The following DNAAF4 variants were observed in gnomAD, a reference collection of about 807,000 sequenced individuals.
The protein encoded by DNAAF4 is dynein axonemal assembly factor 4.
A neutral mutation model predicts 51.8 loss-of-function variants in DNAAF4; 43 were observed. That is an observed-to-expected ratio of 0.83 (90% CI 0.65 to 1.07). DNAAF4 has a LOEUF of 1.07. Among genes scored for constraint, DNAAF4 ranks in the 50% least tolerant of loss-of-function variants. DNAAF4 has a pLI of 0.00. For synonymous variants in DNAAF4, 194 were observed against 165.6 expected (o/e 1.17, Z -1.32); for missense variants, 581 against 493.0 (o/e 1.18, Z -1.69).
At position 55,491,171 on chromosome 15, in the gene DNAAF4, A is replaced by C; in HGVS notation, c.357T>G (p.Ala119=). The part of the protein sequence containing the change: ...ERAKEATEAK[A]AAKREDQKYA... The stretch of plus-strand genomic sequence containing the variant: ...ATTTTTGATCTTCCCGCTTTGCTGC[A>C]GCTTTTGCTTCTGTAGCTTCTTTTG... Residue 119 remains alanine, a synonymous_variant, in exon 4 of 10, where the codon GCT becomes GCG. Coordinates refer to ENST00000321149, the MANE Select transcript of DNAAF4 (RefSeq NM_130810.4). 1 of 1,614,058 alleles carries C rather than the reference A, an allele frequency of 6.2e-7. No homozygotes were observed. The highest frequency in any genetic ancestry group is 2.2e-5 in the East Asian group (1 of 44,858).
chr15:55,491,490 G>A (rs568011417), intron 3 of DNAAF4, among the ~76,000 whole-genome samples: 2 of 150,578 alleles, frequency 1.3e-5, no homozygotes, highest in African/African-American at 4.9e-5. Context: ...GGAAGAAGAA[G>A]GGATGGGGGA....
chr15:55,500,722 G>A (rs2058692437), intron 1 of DNAAF4, among the ~76,000 whole-genome samples: 1 of 152,098 alleles, frequency 6.6e-6, no homozygotes, highest in East Asian at 1.9e-4. Context: ...GCCGGGCGTG[G>A]TGGCTCATGC....
chr15:55,419,336 A>C (rs1595882077), intron 7 of DNAAF4, among the ~76,000 whole-genome samples: 3 of 151,582 alleles, frequency 2.0e-5, no homozygotes, highest in African/African-American at 7.3e-5. Flanking sequence ...ACTATCCCCC[A>C]CCTCAGCCTC....
At position 55,467,026 on chromosome 15, in the gene DNAAF4, A is replaced by G. The variant is rs1471517570; in HGVS notation, c.541T>C (p.Leu181=). 1 of 1,566,286 alleles carries G rather than the reference A, an allele frequency of 6.4e-7. No individual in the cohort carries two copies. The highest frequency in any genetic ancestry group is 8.6e-7 in the Non-Finnish European group (1 of 1,159,982). ...EQKKIQREEK[L]CQKEKQIKEE... Reference sequence around the variant, plus strand: ...TTAATTTGCTTTTCTTTTTGACATAATTTCTCTTCTCTCTGAATTTTTTTT... The same window carrying G: ...TTAATTTGCTTTTCTTTTTGACATAGTTTCTCTTCTCTCTGAATTTTTTTT... Residue 181 remains leucine, a synonymous_variant, in exon 5 of 10, where the codon TTA becomes CTA. Transcript: ENST00000321149.
At chr15:55,440,874 G>T (rs1422079294) in intron 6 of DNAAF4, among the ~76,000 whole-genome samples, 1 of 149,216 alleles carries the variant, frequency 6.7e-6, no homozygotes, top group African/African-American at 2.5e-5. Context: ...GTAGAGATGG[G>T]GTTTCACCAT....
In DNAAF4 at chr15:55,465,747, G is replaced by A. The variant is rs140545271; in HGVS notation, c.637+1183C>T. On this transcript the variant is annotated intron_variant, in intron 5 of 9. Coordinates refer to ENST00000321149, the MANE Select transcript of DNAAF4 (RefSeq NM_130810.4). ...ACACCTGGTTAATTTTGTAATTTTA[G>A]TAAAGATGGGGTTTCTCCATATTGG... Among the ~76,000 whole-genome samples the A allele has an allele frequency of 2.6e-3, 392 of 151,996 alleles. 5 individuals are homozygous for A. The highest frequency in any genetic ancestry group is 8.5e-3 in the East Asian group (44 of 5,162).
At chr15:55,432,673 T>C (rs1255093810) in intron 8 of DNAAF4, 71 bp from the exon 9 acceptor site, 13 of 1,399,016 alleles carry the variant, frequency 9.3e-6, no homozygotes, top group Admixed American at 3.7e-5. Context: ...AGGCTGGGCA[T>C]GGTGGCTCAC....
At chr15:55,453,450 A>G (rs186662123) in intron 5 of DNAAF4, among the ~76,000 whole-genome samples, 41 of 152,186 alleles carry the variant, frequency 2.7e-4, no homozygotes, top group Non-Finnish European at 5.6e-4. Context: ...GATCATTTTA[A>G]ACATACTTAC....
chr15:55,424,751 C>G (rs1403655539), intron 7 of DNAAF4, among the ~76,000 whole-genome samples: 1 of 151,566 alleles, frequency 6.6e-6, no homozygotes, highest in Non-Finnish European at 1.5e-5. Flanking sequence ...TTAGTAGAGA[C>G]AGGGTTTCAC....
intron 1 of DNAAF4, among the ~76,000 whole-genome samples, chr15:55,502,462 C>T (rs940249319): frequency 5.2e-4 from 79 of 152,110 alleles, no homozygotes; most frequent in Non-Finnish European, 2.9e-4. Context: ...TAAAAATGCT[C>T]AGGTTTAATC....
intron 5 of DNAAF4, among the ~76,000 whole-genome samples, chr15:55,456,806 G>C (rs369842740): frequency 1.3e-5 from 2 of 152,188 alleles, no homozygotes; most frequent in East Asian, 3.9e-4. Flanking sequence ...ATAGATTTAG[G>C]TAGCTGAGCA....
chr15:55,458,058 T>C (rs1313604483), intron 5 of DNAAF4, among the ~76,000 whole-genome samples: 1 of 152,140 alleles, frequency 6.6e-6, no homozygotes, highest in Non-Finnish European at 1.5e-5. Context: ...GTTCCAGATC[T>C]TACCACTGAA....
chr15:55,467,080 T>C lies in DNAAF4; in HGVS notation c.487A>G (p.Lys163Glu). The change falls in exon 5 of 10, where the codon AAA becomes GAA. Residue 163 changes from lysine to glutamate, a missense_variant. Transcript: ENST00000321149. ...TCCTCAGCTTTTCTTTGATATTCTT[T>C]CCAGGCTTCCAATGCTTTAGTGGCT... ...IKATKALEAW[K>E]EYQRKAEEQK... 2 of 1,551,546 alleles carry C rather than the reference T, an allele frequency of 1.3e-6. No homozygotes were observed. Among genetic ancestry groups the C allele is most frequent in the Non-Finnish European group, 1.7e-6 (2 of 1,149,564 alleles).
chr15:55,493,155 G>C (rs1321157642), intron 3 of DNAAF4, among the ~76,000 whole-genome samples: 1 of 152,136 alleles, frequency 6.6e-6, no homozygotes, highest in Non-Finnish European at 1.5e-5. Context: ...ACAGGAAAGT[G>C]AGCCCTCACC....
rs149971133 is a variant in DNAAF4, at chr15:55,491,214, A to G, written c.314T>C (p.Leu105Ser). 54 of 1,613,590 alleles carry G rather than the reference A, an allele frequency of 3.3e-5. No individual in the cohort carries two copies. The highest frequency in any genetic ancestry group is 4.2e-5 in the Non-Finnish European group (49 of 1,179,936). Residue 105 changes from leucine to serine, a missense_variant, in exon 4 of 10, where the codon TTA (leucine) becomes TCA (serine). Coordinates refer to ENST00000321149, the MANE Select transcript of DNAAF4 (RefSeq NM_130810.4). ...MMQRIREKSI[L>S]QAQERAKEAT... ...TTCTTTTGCTCTCTCTTGTGCTTGT[A>G]AAATAGATTTTTCTCTAATTCTTTG...
intron 4 of DNAAF4, among the ~76,000 whole-genome samples, chr15:55,475,519 A>T (rs2141538761): frequency 6.6e-6 from 1 of 152,230 alleles, no homozygotes; most frequent in Non-Finnish European, 1.5e-5. Flanking sequence ...TTGGAACTAG[A>T]AGTGTTTCAG....
chr15:55,475,110 T>C (rs1243308915), intron 4 of DNAAF4, among the ~76,000 whole-genome samples: 1 of 152,214 alleles, frequency 6.6e-6, no homozygotes, highest in Non-Finnish European at 1.5e-5. Context: ...AATCTCAATA[T>C]TATAAGTATG....
chr15:55,472,964 G>C (rs1315726363), intron 4 of DNAAF4, among the ~76,000 whole-genome samples: 2 of 151,548 alleles, frequency 1.3e-5, no homozygotes, highest in Non-Finnish European at 2.9e-5. Flanking sequence ...TCAGGAGTTA[G>C]AGACCAGCCT....
At chr15:55,421,034 C>A (rs2057383755) in intron 7 of DNAAF4, among the ~76,000 whole-genome samples, 1 of 151,740 alleles carries the variant, frequency 6.6e-6, no homozygotes. Context: ...ACTAAAAATA[C>A]AAAAAATTAG....
Sources: allele counts gnomAD v4.1 joint callset (sites outside exome capture counted in the v4.1 genomes callset), GRCh38; gene constraint gnomAD v4.1.1; transcripts MANE v1.5; gene names NCBI Gene and HGNC (gene_info 2026-07-23, HGNC 2026-07-21).